Variants in WNT4 observed in about 807,000 individuals in gnomAD.
WNT4 encodes the protein Wnt family member 4, also known as protein Wnt-4.
WNT4 carries 16 observed loss-of-function variants against 34.5 expected under a neutral mutation model. That is an observed-to-expected ratio of 0.46 (90% confidence interval 0.31 to 0.70). The LOEUF is 0.70. WNT4 is among the 30% of genes least tolerant of loss of function. The probability of loss-of-function intolerance (pLI) is 0.04; values close to 1 mark genes in which losing one functional copy is unlikely to be tolerated. For synonymous variants in WNT4, 200 were observed against 211.9 expected, an observed-to-expected ratio of 0.94 and a Z score of 0.49; for missense variants, 379 against 495.9, an observed-to-expected ratio of 0.76 and a Z score of 2.24.
chr1:22,140,171 C>T lies in WNT4; in HGVS notation c.77+2675G>A. 1 of 985,418 alleles carries T rather than the reference C, an allele frequency of 1.0e-6. No homozygotes were observed. The highest frequency in any genetic ancestry group is 1.2e-6 in the Non-Finnish European group (1 of 829,908). 61.0% of individuals were successfully genotyped at this position (985,418 alleles called of 1,614,324 possible). A position where few individuals can be genotyped will look rare whatever the true frequency, so the allele number is the denominator to read the frequency against. Reference sequence around the variant, plus strand: ...CTTGGCAGGTGCTGTCAGCTATCCTCTCGGGGCCAGGCCTCCTCATACCTC... The same window carrying T: ...CTTGGCAGGTGCTGTCAGCTATCCTTTCGGGGCCAGGCCTCCTCATACCTC... On this transcript the variant is annotated intron_variant, in intron 1 of 4. Coordinates refer to ENST00000290167, the MANE Select transcript of WNT4 (RefSeq NM_030761.5). The surrounding 1 kb of genome is among the most constrained non-coding windows in gnomAD (Gnocchi z 5.9).
chr1:22,119,843 C>A lies in WNT4; in HGVS notation c.*207G>T. On this transcript the variant is annotated 3_prime_UTR_variant, in exon 5 of 5. Transcript: ENST00000290167. Reference sequence around the variant, plus strand: ...CAAGGTCCCTTTGGTCAGTGGCAGCCACAAAGGCCCAGGCTTTGGGGAGGC... The same window carrying A: ...CAAGGTCCCTTTGGTCAGTGGCAGCAACAAAGGCCCAGGCTTTGGGGAGGC... 1 of 644,162 alleles carries A rather than the reference C, an allele frequency of 1.6e-6. No homozygotes were observed. Among genetic ancestry groups the A allele is most frequent in the East Asian group, 2.8e-5 (1 of 36,246 alleles). 39.9% of individuals were successfully genotyped at this position (644,162 alleles called of 1,614,324 possible).
Position 22,139,113 on chromosome 1 carries a change from C to G in WNT4, c.77+3733G>C, listed in dbSNP as rs1171513746. ...AGGGGGTTGCAGCCTAGGATCCTAC[C>G]TGTGTTAAATCAGTGGATCTGGGTG... is the stretch of plus-strand genomic sequence containing the variant. On this transcript the variant is annotated intron_variant, in intron 1 of 4. Transcript: ENST00000290167. This position sits in a 1 kb window ranked among gnomAD's most constrained non-coding sequence, Gnocchi z 4.6. Among the ~76,000 whole-genome samples, 1 of 152,182 alleles carries G rather than the reference C, an allele frequency of 6.6e-6. No homozygotes were observed. Among genetic ancestry groups the G allele is most frequent in the African/African-American group, 2.4e-5 (1 of 41,444 alleles).
At position 22,120,147 on chromosome 1, in the gene WNT4, A is replaced by C. The variant is rs1570085230; in HGVS notation, c.959T>G (p.Val320Gly). 6.2e-7 allele frequency: 1 copy of C among 1,613,472 alleles called. No individual in the cohort carries two copies. The highest frequency in any genetic ancestry group is 8.5e-7 in the Non-Finnish European group (1 of 1,179,878). The change falls in exon 5 of 5, where the codon GTG (valine) becomes GGG (glycine). Residue 320 changes from valine (V) to glycine (G), a missense_variant. Physicochemically the swap from Val to Gly is moderately radical, Grantham distance 109. Coordinates refer to ENST00000290167, the MANE Select transcript of WNT4 (RefSeq NM_030761.5). ...CCGRGFHTAQ[V>G]ELAERCSCKF... ...GCAGCTGCAGCGTTCAGCCAGCTCC[A>C]CCTGCGCCGTGTGGAAGCCGCGGCC...
In WNT4 at chr1:22,137,134, A is replaced by G. The variant is rs1345290641; in HGVS notation, c.77+5712T>C. ...GGAGGACGCATCCCTTCCTCCTCCC[A>G]CCTCCCTCCCGCTCTCTCCTCAGAC... is the stretch of plus-strand genomic sequence containing the variant. On this transcript the variant is annotated intron_variant, in intron 1 of 4. Coordinates refer to ENST00000290167, the MANE Select transcript of WNT4 (RefSeq NM_030761.5). The surrounding 1 kb of genome is among the most constrained non-coding windows in gnomAD (Gnocchi z 5.3). Among the ~76,000 whole-genome samples the G allele has an allele frequency of 6.6e-6, 1 of 150,928 alleles. No individual in the cohort carries two copies. Among genetic ancestry groups the G allele is most frequent in the Non-Finnish European group, 1.5e-5 (1 of 67,734 alleles).
intron 1 of WNT4, among the ~76,000 whole-genome samples, chr1:22,133,661 A>G (rs1570109174): frequency 6.6e-6 from 1 of 152,182 alleles, no homozygotes; most frequent in South Asian, 2.1e-4. Context: ...GCAATTTGCC[A>G]CCTGCTGCCC....
chr1:22,142,909 G>C lies in WNT4; in HGVS notation c.14C>G (p.Ser5Trp). 2 of 1,187,208 alleles carry C rather than the reference G, an allele frequency of 1.7e-6. 1 individual carries two copies. 73.5% of individuals were successfully genotyped at this position (1,187,208 alleles called of 1,614,324 possible). ...GAGGAGGCGCAGCGAACGCAGGCAC[G>C]AGCGGGGACTCATGGTGCCGCCGCG... MSPR[S>W]CLRSLRLLVF... Residue 5 changes from serine (S) to tryptophan (W), a missense_variant, in exon 1 of 5, where the codon TCG (serine) becomes TGG (tryptophan). Transcript: ENST00000290167. This position sits in a 1 kb window ranked among gnomAD's most constrained non-coding sequence, Gnocchi z 6.0.
Position 22,142,137 on chromosome 1 carries a change from AACAG to A in WNT4, c.77+705_77+708del, listed in dbSNP as rs1032220495. Among the ~76,000 whole-genome samples, 5 of 152,286 alleles carry A rather than the reference AACAG, an allele frequency of 3.3e-5. No individual in the cohort carries two copies. In the East Asian group the frequency reaches 9.7e-4, roughly 30 times the overall value. ...CTGAGCGCAGATCCAGTCAAGGAGA[AACAG>A]ACAGGTCACCAGCGGTTACCACCCC... On this transcript the variant is annotated intron_variant, in intron 1 of 4. Coordinates refer to ENST00000290167, the MANE Select transcript of WNT4 (RefSeq NM_030761.5). The surrounding 1 kb of genome is among the most constrained non-coding windows in gnomAD (Gnocchi z 6.0).
At chr1:22,131,051 C>T (rs1358821772) in intron 1 of WNT4, among the ~76,000 whole-genome samples, 1 of 152,264 alleles carries the variant, frequency 6.6e-6, no homozygotes, top group African/African-American at 2.4e-5. Flanking sequence ...CAGGGCTACA[C>T]AGCCAGTGAG....
At chr1:22,133,084 C>T (rs889122382) in intron 1 of WNT4, among the ~76,000 whole-genome samples, 19 of 152,122 alleles carry the variant, frequency 1.2e-4, no homozygotes, top group African/African-American at 3.9e-4. Context: ...GCTAGAGCGG[C>T]GAGCTGCAGT....
rs1274807904 is a variant in WNT4, at chr1:22,142,874, C to T, written c.49G>A (p.Val17Ile). The T allele has an allele frequency of 1.7e-6, 2 of 1,211,486 alleles. No individual in the cohort carries two copies. The highest frequency in any genetic ancestry group is 1.1e-6 in the Non-Finnish European group (1 of 946,490). The allele number at this position is 1,211,486 out of a possible 1,614,324, so 75.0% of individuals were successfully genotyped here. A position where few individuals can be genotyped will look rare whatever the true frequency, so the allele number is the denominator to read the frequency against. Residue 17 changes from valine to isoleucine, a missense_variant, in exon 1 of 5, where the codon GTC (valine) becomes ATC (isoleucine). Val to Ile is a conservative substitution (Grantham distance 29, BLOSUM62 3). Transcript: ENST00000290167. The surrounding 1 kb of genome is among the most constrained non-coding windows in gnomAD (Gnocchi z 6.0). Reference protein sequence around the residue: ...LRSLRLLVFAVFSAAASNWLY... With the variant: ...LRSLRLLVFAIFSAAASNWLY... ...CAGTTGCTCGCGGCGGCTGAGAAGA[C>T]GGCGAAGACGAGGAGGCGCAGCGAA...
intron 1 of WNT4, among the ~76,000 whole-genome samples, chr1:22,136,367 T>C (rs1160948245): frequency 6.6e-6 from 1 of 152,212 alleles, no homozygotes; most frequent in East Asian, 1.9e-4. Flanking sequence ...ACTGACCCAT[T>C]GAACTGTCCT....
At chr1:22,127,864 G>A (rs1360809133) in intron 2 of WNT4, among the ~76,000 whole-genome samples, 10 of 152,196 alleles carry the variant, frequency 6.6e-5, no homozygotes, top group Non-Finnish European at 1.3e-4. Context: ...CCTCAAGAAG[G>A]GGGCTTGGGT....
At chr1:22,136,461 G>A (rs2124130700) in intron 1 of WNT4, among the ~76,000 whole-genome samples, 1 of 152,326 alleles carries the variant, frequency 6.6e-6, no homozygotes, top group East Asian at 1.9e-4. Context: ...GCCAGTGCTG[G>A]CCTCCTGGAG....
intron 2 of WNT4, among the ~76,000 whole-genome samples, chr1:22,124,604 G>A (rs995135394): frequency 6.6e-6 from 1 of 152,250 alleles, no homozygotes. Context: ...AAGAAAAGGT[G>A]AGGCTTGGTG....
At chr1:22,138,405 C>A (rs549113319) in intron 1 of WNT4, among the ~76,000 whole-genome samples, 201 of 151,550 alleles carry the variant, frequency 1.3e-3, no homozygotes, top group Non-Finnish European at 2.5e-3. Context: ...TGATTTTGCC[C>A]GCCCCCCAGG....
chr1:22,119,732 C>T lies in WNT4; in HGVS notation c.*318G>A, dbSNP rs1645878341. 2 of 469,934 alleles carry T rather than the reference C, an allele frequency of 4.3e-6. No homozygotes were observed. Among genetic ancestry groups the T allele is most frequent in the Non-Finnish European group, 7.8e-6 (2 of 255,470 alleles). The allele number at this position is 469,934 out of a possible 1,614,324, so 29.1% of individuals were successfully genotyped here. A position where few individuals can be genotyped will look rare whatever the true frequency, so the allele number is the denominator to read the frequency against. On this transcript the variant is annotated 3_prime_UTR_variant, in exon 5 of 5. Transcript: ENST00000290167. The stretch of plus-strand genomic sequence containing the variant: ...GTGGTGGTAATACTCCTTGTTACTC[C>T]ACCTTAGGTCTGCAAGTAGAAAAAC...
At chr1:22,122,868 G>GCCCT (rs1645912574) in intron 2 of WNT4, among the ~76,000 whole-genome samples, 1 of 152,172 alleles carries the variant, frequency 6.6e-6, no homozygotes, top group Non-Finnish European at 1.5e-5. Flanking sequence ...CACTCAGGAC[G>GCCCT]CCCTGTTCTT....
At chr1:22,129,962 G>T in intron 1 of WNT4, 111 bp from the exon 2 acceptor site, 1 of 1,280,878 alleles carries the variant, frequency 7.8e-7, no homozygotes, top group Non-Finnish European at 1.1e-6. Flanking sequence ...CCCAGTGACT[G>T]GGCCTGGCTG....
At chr1:22,128,298 C>A (rs10917159) in intron 2 of WNT4, among the ~76,000 whole-genome samples, 26,050 of 152,216 alleles carry the variant, frequency 0.17, 2,357 homozygotes, top group African/African-American at 0.2. Flanking sequence ...TTGGCCCAGG[C>A]AACCCCTTCC....
Sources: allele counts gnomAD v4.1 joint callset (sites outside exome capture counted in the v4.1 genomes callset), GRCh38; gene constraint gnomAD v4.1.1; non-coding constraint Gnocchi (gnomAD v3.1); transcripts MANE v1.5; gene names NCBI Gene and HGNC (gene_info 2026-07-23, HGNC 2026-07-21).